SLC1A2: variants seen among roughly 807,000 people sequenced by gnomAD.
SLC1A2 encodes the protein excitatory amino acid transporter 2.
A neutral mutation model predicts 48.8 loss-of-function variants in SLC1A2; 15 were observed. The ratio of observed to expected loss-of-function variants is 0.31; its 90% CI spans 0.21 to 0.47. SLC1A2 has a LOEUF of 0.47. Ranked by LOEUF, SLC1A2 falls within the 20% of genes least tolerant of loss-of-function variation. The probability of loss-of-function intolerance (pLI) is 0.99; values close to 1 mark genes in which losing one functional copy is unlikely to be tolerated. For synonymous variants in SLC1A2, 279 were observed against 272.6 expected, an observed-to-expected ratio of 1.02 and a Z score of -0.23; for missense variants, 502 against 730.5, an observed-to-expected ratio of 0.69 and a Z score of 3.61.
intron 10 of SLC1A2, chr11:35,261,973 A>G (rs1950401265): frequency 2.7e-6 from 1 of 372,122 alleles, no homozygotes; most frequent in East Asian, 3.8e-5. Flanking sequence ...AGACCATGCA[A>G]TTAGCAATGA....
chr11:35,282,039 C>G (rs918087528), intron 8 of SLC1A2: 1 of 151,984 alleles, frequency 6.6e-6, no homozygotes, highest in African/African-American at 2.4e-5. Context: ...ATCCTGGGGT[C>G]TTATTGCTGA....
chr11:35,269,432 G>A (rs1248283489), intron 9 of SLC1A2, among the ~76,000 whole-genome samples: 1 of 152,164 alleles, frequency 6.6e-6, no homozygotes, highest in Non-Finnish European at 1.5e-5. Context: ...CCTAGCCTAT[G>A]GTTGACACTC....
At chr11:35,384,670 A>G (rs541337770) in intron 1 of SLC1A2, among the ~76,000 whole-genome samples, 44 of 152,346 alleles carry the variant, frequency 2.9e-4, no homozygotes, top group Non-Finnish European at 5.9e-4. Flanking sequence ...CAGTATCCCA[A>G]TTTCTGAATG....
Position 35,338,060 on chromosome 11 carries a change from G to T in SLC1A2, c.18-20544C>A, listed in dbSNP as rs574252268. On this transcript the variant is annotated intron_variant, in intron 1 of 10. Transcript: ENST00000278379. ...GTCTCTAGAATATGTGGGACAAGAA[G>T]ATTGTAGTATCTGCATAGATCAGGA... Among the ~76,000 whole-genome samples, 285 of 152,300 alleles carry T rather than the reference G, an allele frequency of 1.9e-3. 1 individual carries two copies. In the Middle Eastern group the frequency reaches 0.034, roughly 18 times the overall value.
At chr11:35,332,921 CTCTT>C in intron 1 of SLC1A2, among the ~76,000 whole-genome samples, 1 of 152,288 alleles carries the variant, frequency 6.6e-6, no homozygotes, top group African/African-American at 2.4e-5. Flanking sequence ...AGTCTCTCTC[CTCTT>C]TCTCTTTTAC....
chr11:35,301,503 G>T lies in SLC1A2; in HGVS notation c.857+16C>A. The T allele has an allele frequency of 6.2e-7, 1 of 1,612,522 alleles. No individual in the cohort carries two copies. The highest frequency in any genetic ancestry group is 1.1e-5 in the South Asian group (1 of 90,900). On this transcript the variant is annotated intron_variant, in intron 6 of 10. Transcript: ENST00000278379. ...TTCTCAACCCACTGCTAAGAAGTAA[G>T]AACAAGGCCACTTACCACATGATCA...
Position 35,325,535 on chromosome 11 carries a change from T to C in SLC1A2, c.18-8019A>G, listed in dbSNP as rs1458528327. On this transcript the variant is annotated intron_variant, in intron 1 of 10. Transcript: ENST00000278379. ...ATGAATGGATGATTAGGTTAAAATA[T>C]GTTCTTGTCACAGGTTCTTTGTGAC... Among the ~76,000 whole-genome samples the C allele has an allele frequency of 3.9e-5, 6 of 152,242 alleles. No individual in the cohort carries two copies. In the East Asian group the frequency reaches 7.7e-4, roughly 19 times the overall value.
intron 1 of SLC1A2, among the ~76,000 whole-genome samples, chr11:35,355,546 T>C (rs972056521): frequency 6.6e-6 from 1 of 152,218 alleles, no homozygotes; most frequent in Non-Finnish European, 1.5e-5. Flanking sequence ...AAGTGGTCAA[T>C]GCACCAGCTG....
intron 1 of SLC1A2, chr11:35,323,056 C>T: frequency 2.4e-6 from 1 of 409,746 alleles, no homozygotes; most frequent in South Asian, 3.0e-5. Context: ...AGGGTGACAG[C>T]CTCCAAAGTC....
rs1441584322 is a variant in SLC1A2, at chr11:35,254,794, C to T, written c.*6100G>A. The stretch of plus-strand genomic sequence containing the variant: ...CTGTTCCAATAGCTGGTTTTATTCT[C>T]AGCACAAAAGGGCCCTGTGTAAAAA... On this transcript the variant is annotated 3_prime_UTR_variant, in exon 11 of 11. Transcript: ENST00000278379. The T allele has an allele frequency of 2.2e-6, 1 of 455,966 alleles. No individual in the cohort carries two copies. The highest frequency in any genetic ancestry group is 4.4e-6 in the Non-Finnish European group (1 of 226,902). The allele number at this position is 455,966 out of a possible 1,614,324, so 28.2% of individuals were successfully genotyped here.
chr11:35,275,327 T>C (rs1850406528), intron 9 of SLC1A2, among the ~76,000 whole-genome samples: 1 of 152,216 alleles, frequency 6.6e-6, no homozygotes, highest in Non-Finnish European at 1.5e-5. Context: ...GATTTCACTT[T>C]ATTTTGATTT....
chr11:35,376,767 A>C (rs1054130401), intron 1 of SLC1A2, among the ~76,000 whole-genome samples: 1 of 152,216 alleles, frequency 6.6e-6, no homozygotes, highest in African/African-American at 2.4e-5. Flanking sequence ...GCTTCAGAAA[A>C]AAAAGCAAAA....
At chr11:35,377,670 T>C (rs1412560160) in intron 1 of SLC1A2, among the ~76,000 whole-genome samples, 3 of 152,116 alleles carry the variant, frequency 2.0e-5, no homozygotes, top group Non-Finnish European at 4.4e-5. Context: ...ATCAAGTAGA[T>C]ACCAAGAAAG....
intron 9 of SLC1A2, among the ~76,000 whole-genome samples, chr11:35,278,273 G>GTTTTTTTTTTTT (rs35889672): frequency 2.3e-5 from 2 of 88,658 alleles, no homozygotes; most frequent in African/African-American, 4.2e-5. Flanking sequence ...GTTTTTTTTT[G>GTTTTTTTTTTTT]TTTTTTTTTT....
At chr11:35,332,279 G>T (rs12274991) in intron 1 of SLC1A2, among the ~76,000 whole-genome samples, 1,950 of 152,276 alleles carry the variant, frequency 0.013, 39 homozygotes, top group East Asian at 0.098. Flanking sequence ...TGGTATGTTG[G>T]CTACCGGGTC....
chr11:35,383,071 G>A (rs1019992305), intron 1 of SLC1A2, among the ~76,000 whole-genome samples: 7 of 152,168 alleles, frequency 4.6e-5, no homozygotes, highest in Non-Finnish European at 1.0e-4. Context: ...GCATGTCCAA[G>A]AGTAAGGGAT....
chr11:35,333,419 G>GA (rs59682870), intron 1 of SLC1A2, among the ~76,000 whole-genome samples: 60,504 of 132,728 alleles, frequency 0.46, 14,148 homozygotes, highest in African/African-American at 0.65. Flanking sequence ...TCTGCCTCAG[G>GA]AAAAAAAAAA....
At chr11:35,299,484 T>C (rs1036370463) in intron 6 of SLC1A2, 1 of 152,110 alleles carries the variant, frequency 6.6e-6, no homozygotes, top group African/African-American at 2.4e-5. Context: ...GAGGGTTCAG[T>C]ACAATCATAA....
intron 1 of SLC1A2, among the ~76,000 whole-genome samples, chr11:35,361,627 G>C (rs1444255084): frequency 6.6e-6 from 1 of 152,172 alleles, no homozygotes; most frequent in Non-Finnish European, 1.5e-5. Flanking sequence ...TGAGAACACA[G>C]AGGACTCTGA....
Sources: gnomAD v4.1 joint callset for allele counts (sites outside exome capture counted in the v4.1 genomes callset) on GRCh38, gnomAD v4.1.1 for gene constraint, MANE v1.5 for transcripts, NCBI Gene and HGNC (gene_info 2026-07-23, HGNC 2026-07-21) for gene names.